LHX8: variants seen among roughly 807,000 people sequenced by gnomAD.
LHX8 encodes LIM homeobox 8, also known as LIM/homeobox protein Lhx8.
A neutral mutation model predicts 40.3 loss-of-function variants in LHX8; 12 were observed. That is an observed-to-expected ratio of 0.30 (90% CI 0.19 to 0.48). The LOEUF is 0.48. Among genes scored for constraint, LHX8 ranks in the 20% least tolerant of loss-of-function variants. The pLI is 0.99. For missense variants in LHX8, 344 were observed against 433.7 expected (o/e 0.79, Z 1.84); for synonymous variants, 179 against 162.0 (o/e 1.10, Z -0.80).
At chr1:75,146,947 C>A (rs1338256998) in intron 6 of LHX8, among the ~76,000 whole-genome samples, 1 of 151,960 alleles carries the variant, frequency 6.6e-6, no homozygotes, top group East Asian at 1.9e-4. Flanking sequence ...TACAAAATCC[C>A]CAAATCTGTT....
the LHX8 span, among the ~76,000 whole-genome samples, chr1:75,195,527 C>T: frequency 1.3e-5 from 2 of 152,114 alleles, no homozygotes; most frequent in Non-Finnish European, 2.9e-5. Flanking sequence ...TACTCCACAC[C>T]AAGAAGCTTC....
downstream of LHX8, among the ~76,000 whole-genome samples, chr1:75,163,317 A>G (rs1229173095): frequency 6.6e-6 from 1 of 152,188 alleles, no homozygotes; most frequent in Non-Finnish European, 1.5e-5. Context: ...GTGGTATATT[A>G]TGTGTATAAT....
At chr1:75,187,501 G>A in the LHX8 span, among the ~76,000 whole-genome samples, 1 of 152,196 alleles carries the variant, frequency 6.6e-6, no homozygotes, top group South Asian at 2.1e-4. Context: ...AAAGGGTCTT[G>A]TGAGGAAAGT....
chr1:75,137,046 G>A, intron 2 of LHX8, 54 bp from the exon 3 acceptor site: 1 of 1,541,304 alleles, frequency 6.5e-7, no homozygotes, highest in Non-Finnish European at 8.8e-7. Context: ...GGGTAGGTGG[G>A]ATGCGAAGGG....
At chr1:75,179,769 A>T in the LHX8 span, among the ~76,000 whole-genome samples, 11 of 152,162 alleles carry the variant, frequency 7.2e-5, no homozygotes, top group Admixed American at 2.0e-4. Context: ...TAGTTGATGC[A>T]GTTTCTTCCT....
downstream of LHX8, among the ~76,000 whole-genome samples, chr1:75,162,939 TG>T (rs1648953966): frequency 6.6e-6 from 1 of 151,996 alleles, no homozygotes; most frequent in Non-Finnish European, 1.5e-5. Context: ...TCTATATTGT[TG>T]GAGTAGCAAA....
chr1:75,184,600 T>TG, the LHX8 span, among the ~76,000 whole-genome samples: 1 of 152,268 alleles, frequency 6.6e-6, no homozygotes, highest in South Asian at 2.1e-4. Flanking sequence ...CCAGAACCTC[T>TG]GGGACACAGC....
chr1:75,136,585 C>T lies in LHX8; in HGVS notation c.-12-18C>T, dbSNP rs1195357256. ...TCTGATCTGTTTCTCCATACTTTCT[C>T]CCCCTCCTACTCCGCAGTGTCAGGG... On this transcript the variant is annotated intron_variant, in intron 1 of 8. Transcript: ENST00000356261. 2 of 1,525,478 alleles carry T rather than the reference C, an allele frequency of 1.3e-6. No homozygotes were observed. Among genetic ancestry groups the T allele is most frequent in the Admixed American group, 3.9e-5 (2 of 50,940 alleles). 94.5% of individuals were successfully genotyped at this position (1,525,478 alleles called of 1,614,324 possible).
Position 75,157,197 on chromosome 1 carries a change from T to TG in LHX8, c.964+122dup, listed in dbSNP as rs1001235747. On this transcript the variant is annotated intron_variant, in intron 8 of 8. Coordinates refer to ENST00000356261, the MANE Select transcript of LHX8 (RefSeq NM_001256114.2). ...TACCTCAGTAGTAGCTGAAAAATATTGTGGGGGGTGCAGTAGAGAGCAAAA... is the reference window on the plus strand; with the variant it reads ...TACCTCAGTAGTAGCTGAAAAATATTGGTGGGGGGTGCAGTAGAGAGCAAAA... The TG allele has an allele frequency of 2.1e-5, 24 of 1,140,554 alleles. No homozygotes were observed. In the African/African-American group the frequency reaches 3.4e-4, roughly 16 times the overall value. 70.7% of individuals were successfully genotyped at this position (1,140,554 alleles called of 1,614,324 possible).
the LHX8 span, among the ~76,000 whole-genome samples, chr1:75,177,516 A>G: frequency 4.6e-5 from 7 of 152,134 alleles, no homozygotes; most frequent in Non-Finnish European, 8.8e-5. Flanking sequence ...ATTTTTGCAC[A>G]TTGATTTTGT....
chr1:75,181,407 C>A, the LHX8 span, among the ~76,000 whole-genome samples: 1 of 152,154 alleles, frequency 6.6e-6, no homozygotes, highest in Non-Finnish European at 1.5e-5. Flanking sequence ...CTTACTCAAG[C>A]CTCAGCAATG....
At chr1:75,146,121 C>T (rs921907154) in intron 6 of LHX8, among the ~76,000 whole-genome samples, 3 of 152,042 alleles carry the variant, frequency 2.0e-5, no homozygotes, top group Admixed American at 6.6e-5. Context: ...TCTAATAAAT[C>T]GGTATCCTTA....
chr1:75,149,380 A>G (rs538107495), intron 7 of LHX8, among the ~76,000 whole-genome samples: 1 of 152,338 alleles, frequency 6.6e-6, no homozygotes, highest in African/African-American at 2.4e-5. Flanking sequence ...TTTAGGAAGA[A>G]AGGGCTAGTC....
chr1:75,134,762 TTGGGCTCCTAA>T lies in LHX8; in HGVS notation c.-204_-194del, dbSNP rs1205390512. ...GCAGTGTCCTTGAAACTCGAGTTGT[TTGGGCTCCTAA>T]ACAAGGTTCAGAAACTACCTGTAAC... On this transcript the variant is annotated 5_prime_UTR_variant, in exon 1 of 9. Coordinates refer to ENST00000356261, the MANE Select transcript of LHX8 (RefSeq NM_001256114.2). The T allele has an allele frequency of 6.5e-5, 13 of 200,216 alleles. No homozygotes were observed. The highest frequency in any genetic ancestry group is 5.6e-4 in the East Asian group (3 of 5,350). 12.4% of individuals were successfully genotyped at this position (200,216 alleles called of 1,614,324 possible).
intron 8 of LHX8, among the ~76,000 whole-genome samples, chr1:75,158,448 T>A (rs61796517): frequency 0.012 from 1,836 of 152,286 alleles, 30 homozygotes; most frequent in Middle Eastern, 0.034. Context: ...TGGTGACATG[T>A]GCAAGAAATT....
At chr1:75,180,787 T>A in the LHX8 span, among the ~76,000 whole-genome samples, 3,868 of 152,322 alleles carry the variant, frequency 0.025, 78 homozygotes, top group East Asian at 0.046. Context: ...TTTTTAGAAT[T>A]TTCAGCTTTT....
At chr1:75,194,531 C>T in the LHX8 span, among the ~76,000 whole-genome samples, 3 of 152,174 alleles carry the variant, frequency 2.0e-5, no homozygotes, top group African/African-American at 4.8e-5. Flanking sequence ...ATTTGATAGC[C>T]TCCCTTTCCA....
chr1:75,182,093 T>C, the LHX8 span, among the ~76,000 whole-genome samples: 2 of 152,168 alleles, frequency 1.3e-5, no homozygotes, highest in African/African-American at 4.8e-5. Context: ...TTGAGAAAAG[T>C]TTTTCAAATG....
chr1:75,189,608 A>G, the LHX8 span, among the ~76,000 whole-genome samples: 5 of 152,226 alleles, frequency 3.3e-5, no homozygotes, highest in African/African-American at 1.2e-4. Context: ...TTCTAAGTAG[A>G]TTGAAATTAG....
Sources: gnomAD v4.1 joint callset for allele counts (sites outside exome capture counted in the v4.1 genomes callset) on GRCh38, gnomAD v4.1.1 for gene constraint, MANE v1.5 for transcripts, NCBI Gene and HGNC (gene_info 2026-07-23, HGNC 2026-07-21) for gene names.